The following EXOC6B variants were observed in gnomAD, a reference collection of about 807,000 sequenced individuals.
EXOC6B encodes SEC15 homolog B.
EXOC6B carries 54 observed loss-of-function variants against 113.5 expected under a neutral mutation model. The ratio of observed to expected loss-of-function variants is 0.48; its 90% CI spans 0.38 to 0.60. EXOC6B has a LOEUF of 0.60. EXOC6B is among the 20% of genes least tolerant of loss of function. The probability of loss-of-function intolerance (pLI) is 0.00; values close to 1 mark genes in which losing one functional copy is unlikely to be tolerated. For synonymous variants in EXOC6B, 357 were observed against 339.0 expected, an observed-to-expected ratio of 1.05 and a Z score of -0.58; for missense variants, 797 against 977.5, an observed-to-expected ratio of 0.82 and a Z score of 2.46.
At chr2:72,552,466 ATAAGT>A (rs1171946836) in intron 8 of EXOC6B, among the ~76,000 whole-genome samples, 1 of 152,198 alleles carries the variant, frequency 6.6e-6, no homozygotes, top group Non-Finnish European at 1.5e-5. Context: ...TAACTCTTAT[ATAAGT>A]TGTTTCATAA....
rs766711555 is a variant in EXOC6B, at chr2:72,379,790, T to C, written c.2061A>G (p.Glu687=). Residue 687 remains glutamate (E), a synonymous_variant, in exon 19 of 22, where the codon GAA becomes GAG. Transcript: ENST00000272427. ...TSLMQLLLEA[E]VRQLTLGALQ... The stretch of plus-strand genomic sequence containing the variant: ...ATGCTCCCAAGGTGAGCTGCCGCAC[T>C]TCAGCTTCCAACAAAAGTTGCATCA... 1 of 1,613,456 alleles carries C rather than the reference T, an allele frequency of 6.2e-7. No individual in the cohort carries two copies. Among genetic ancestry groups the C allele is most frequent in the East Asian group, 2.2e-5 (1 of 44,828 alleles).
chr2:72,559,656 C>CA (rs1216936468), intron 7 of EXOC6B, 135 bp from the exon 8 acceptor site: 4 of 624,566 alleles, frequency 6.4e-6, no homozygotes, highest in Middle Eastern at 3.0e-4. Flanking sequence ...ACAAAACAAA[C>CA]AAAAAAATAG....
chr2:72,403,261 T>C (rs1279319071), intron 18 of EXOC6B, among the ~76,000 whole-genome samples: 1 of 152,232 alleles, frequency 6.6e-6, no homozygotes, highest in Non-Finnish European at 1.5e-5. Flanking sequence ...TTTATTTCAC[T>C]TTATAACATT....
chr2:72,465,435 C>A, intron 17 of EXOC6B, 96 bp from the exon 18 acceptor site: 1 of 906,264 alleles, frequency 1.1e-6, no homozygotes, highest in Non-Finnish European at 1.7e-6. Context: ...CATTAAGTAA[C>A]TGGGAATATA....
chr2:72,801,722 GGACCCTCTCTCCATTCCATA>G (rs1429585933), intron 1 of EXOC6B, among the ~76,000 whole-genome samples: 3 of 152,146 alleles, frequency 2.0e-5, no homozygotes, highest in Non-Finnish European at 4.4e-5. Context: ...GTAGAACTAA[GGACCCTCTCTCCATTCCATA>G]CCTATCAGAA....
chr2:72,686,517 T>C (rs1441301010), intron 6 of EXOC6B, among the ~76,000 whole-genome samples: 1 of 152,234 alleles, frequency 6.6e-6, no homozygotes, highest in East Asian at 1.9e-4. Flanking sequence ...GTACAGATTT[T>C]TTGAAACAGG....
At position 72,480,722 on chromosome 2, in the gene EXOC6B, T is replaced by C. The variant is rs1699032645; in HGVS notation, c.1694A>G (p.His565Arg). ...ELVQIIINTT[H>R]LEKSCKYLEE... ...CAAGTACTTACAGGATTTCTCCAAA[T>C]GTGTTGTATTGATAATAATCTGAAC... Residue 565 changes from histidine (H) to arginine (R), a missense_variant, in exon 17 of 22, where the codon CAT becomes CGT. By Grantham distance (29) the His-to-Arg change is conservative (BLOSUM62 0). Coordinates refer to ENST00000272427, the MANE Select transcript of EXOC6B (RefSeq NM_015189.3). The C allele has an allele frequency of 6.3e-7, 1 of 1,599,690 alleles. No homozygotes were observed. The highest frequency in any genetic ancestry group is 8.5e-7 in the Non-Finnish European group (1 of 1,172,234).
chr2:72,603,252 C>CT (rs890085186), intron 6 of EXOC6B, among the ~76,000 whole-genome samples: 1 of 151,866 alleles, frequency 6.6e-6, no homozygotes, highest in African/African-American at 2.4e-5. Context: ...AAGAGGCCTG[C>CT]TTTTTTCCAG....
At position 72,238,577 on chromosome 2, in the gene EXOC6B, C is replaced by G. The variant is rs1284835172; in HGVS notation, c.2197-54390G>C. On this transcript the variant is annotated intron_variant, in intron 20 of 21. Transcript: ENST00000272427. ...CCCACCAATGCTTGTTGTTACTTGT[C>G]TTTTTTATTCTAGCTATCCTAGTGT... Among the ~76,000 whole-genome samples the G allele has an allele frequency of 2.6e-5, 4 of 152,114 alleles. No homozygotes were observed. In the East Asian group the frequency reaches 7.7e-4, roughly 29 times the overall value.
chr2:72,598,132 T>C (rs1427683323), intron 6 of EXOC6B, among the ~76,000 whole-genome samples: 1 of 151,866 alleles, frequency 6.6e-6, no homozygotes, highest in Middle Eastern at 3.2e-3. Flanking sequence ...TACACACTTC[T>C]CTCAAGCTTA....
At chr2:72,218,962 T>TA (rs57748151) in intron 20 of EXOC6B, among the ~76,000 whole-genome samples, 8,827 of 141,610 alleles carry the variant, frequency 0.062, 532 homozygotes, top group African/African-American at 0.17. Context: ...TGCTATTTCT[T>TA]AAAAAAAAAA....
chr2:72,821,382 G>C (rs575386543), intron 1 of EXOC6B, among the ~76,000 whole-genome samples: 11 of 152,066 alleles, frequency 7.2e-5, no homozygotes, highest in Non-Finnish European at 1.0e-4. Context: ...AATGTAAAAT[G>C]GCGCATGCAC....
chr2:72,223,168 A>T (rs888426283), intron 20 of EXOC6B, among the ~76,000 whole-genome samples: 2 of 152,200 alleles, frequency 1.3e-5, no homozygotes, highest in Non-Finnish European at 2.9e-5. Context: ...AGATAAAGGT[A>T]TGAGGGTTAA....
chr2:72,289,916 G>A (rs1488585353), intron 20 of EXOC6B, among the ~76,000 whole-genome samples: 1 of 152,170 alleles, frequency 6.6e-6, no homozygotes, highest in Non-Finnish European at 1.5e-5. Flanking sequence ...TCTCTCTAAT[G>A]TGGATGGGCC....
intron 6 of EXOC6B, among the ~76,000 whole-genome samples, chr2:72,593,255 C>A (rs1221730781): frequency 6.6e-6 from 1 of 152,032 alleles, no homozygotes; most frequent in Non-Finnish European, 1.5e-5. Context: ...TAAAGTATTT[C>A]TCTGAGTTCT....
intron 19 of EXOC6B, among the ~76,000 whole-genome samples, chr2:72,358,787 C>G (rs1690121270): frequency 6.6e-6 from 1 of 152,132 alleles, no homozygotes; most frequent in Non-Finnish European, 1.5e-5. Context: ...CATTGACTCT[C>G]CAGTTCCATA....
At chr2:72,421,454 CT>C (rs1196241259) in intron 18 of EXOC6B, among the ~76,000 whole-genome samples, 4 of 152,138 alleles carry the variant, frequency 2.6e-5, no homozygotes, top group African/African-American at 9.7e-5. Flanking sequence ...ATTTCACCTA[CT>C]TTTAATAAAT....
chr2:72,445,638 G>A (rs1451033231), intron 18 of EXOC6B, among the ~76,000 whole-genome samples: 2 of 152,100 alleles, frequency 1.3e-5, no homozygotes, highest in African/African-American at 2.4e-5. Flanking sequence ...GAGCTTGTAC[G>A]GCTAAACTCC....
chr2:72,455,191 C>G (rs569251474), intron 18 of EXOC6B, among the ~76,000 whole-genome samples: 12 of 151,976 alleles, frequency 7.9e-5, no homozygotes, highest in Admixed American at 2.0e-4. Context: ...TTATTTTGTT[C>G]CAGAGAAAGT....
Sources: gnomAD v4.1 joint callset for allele counts (sites outside exome capture counted in the v4.1 genomes callset) on GRCh38, gnomAD v4.1.1 for gene constraint, MANE v1.5 for transcripts, NCBI Gene and HGNC (gene_info 2026-07-23, HGNC 2026-07-21) for gene names.